NTM: variants seen among roughly 807,000 people sequenced by gnomAD.
NTM encodes IgLON family member 2.
NTM carries 13 observed loss-of-function variants against 42.1 expected under a neutral mutation model. The ratio of observed to expected loss-of-function variants is 0.31; its 90% CI spans 0.20 to 0.49. The LOEUF (loss-of-function observed/expected upper bound fraction) is 0.49, where lower values mean the gene tolerates loss of function less well. NTM is among the 20% of genes least tolerant of loss of function. The pLI, the probability that NTM is intolerant of heterozygous loss-of-function variation, is 0.99. For synonymous variants in NTM, 187 were observed against 179.2 expected, an observed-to-expected ratio of 1.04 and a Z score of -0.35; for missense variants, 373 against 452.8, an observed-to-expected ratio of 0.82 and a Z score of 1.60.
At chr11:131,546,471 A>G (rs1161069855) in intron 1 of NTM, among the ~76,000 whole-genome samples, 1 of 152,122 alleles carries the variant, frequency 6.6e-6, no homozygotes, top group East Asian at 1.9e-4. Flanking sequence ...TTCTGCAAAA[A>G]CTGAAAAATT....
At chr11:131,834,323 T>C (rs1224456722) in intron 1 of NTM, among the ~76,000 whole-genome samples, 1 of 152,162 alleles carries the variant, frequency 6.6e-6, no homozygotes, top group Non-Finnish European at 1.5e-5. Flanking sequence ...TGGGCTTAAC[T>C]ATGACCTATC....
At chr11:132,276,834 T>C (rs150178258) in intron 4 of NTM, among the ~76,000 whole-genome samples, 185 of 152,292 alleles carry the variant, frequency 1.2e-3, no homozygotes, top group Non-Finnish European at 2.0e-3. Context: ...CAGTAAGTCT[T>C]ACTCTACCAT....
intron 1 of NTM, among the ~76,000 whole-genome samples, chr11:131,889,057 G>C (rs1374042030): frequency 6.6e-6 from 1 of 152,082 alleles, no homozygotes; most frequent in Admixed American, 6.6e-5. Context: ...CTTCCAAAGG[G>C]AGCGTCCGGA....
At chr11:131,932,655 G>A (rs2058753641) in intron 2 of NTM, among the ~76,000 whole-genome samples, 3 of 152,210 alleles carry the variant, frequency 2.0e-5, no homozygotes. Flanking sequence ...AGGAATAGGA[G>A]ATGATGCTGA....
chr11:132,091,942 A>G (rs761890393), intron 2 of NTM, among the ~76,000 whole-genome samples: 4 of 152,254 alleles, frequency 2.6e-5, no homozygotes, highest in Admixed American at 6.5e-5. Flanking sequence ...TGAAGAAAAC[A>G]TAAGTATACC....
chr11:132,158,048 T>C lies in NTM; in HGVS notation c.400+11534T>C, dbSNP rs2073567340. 2.0e-5 allele frequency among the ~76,000 whole-genome samples: 3 copies of C among 152,212 alleles called. No individual in the cohort carries two copies. In the South Asian group the frequency reaches 6.2e-4, roughly 32 times the overall value. ...TTTTGTTCTTATTCCCTATCGTCTGTTCTCCATGCTCAGCGAAAGCATTTC... is the reference window on the plus strand; with the variant it reads ...TTTTGTTCTTATTCCCTATCGTCTGCTCTCCATGCTCAGCGAAAGCATTTC... On this transcript the variant is annotated intron_variant, in intron 3 of 8. Coordinates refer to ENST00000683400, the MANE Select transcript of NTM (RefSeq NM_001352005.2).
intron 2 of NTM, among the ~76,000 whole-genome samples, chr11:131,948,627 C>G (rs901745179): frequency 4.6e-5 from 7 of 152,268 alleles, no homozygotes; most frequent in Middle Eastern, 3.4e-3. Flanking sequence ...TTTGTACTTG[C>G]TGTTCTCTCT....
At chr11:132,099,688 G>A (rs1289155939) in intron 2 of NTM, among the ~76,000 whole-genome samples, 1 of 152,138 alleles carries the variant, frequency 6.6e-6, no homozygotes, top group East Asian at 1.9e-4. Flanking sequence ...AGAAAAGCAA[G>A]TCTTAACTTA....
chr11:131,388,462 G>A (rs190986274), intron 1 of NTM, among the ~76,000 whole-genome samples: 1 of 148,864 alleles, frequency 6.7e-6, no homozygotes, highest in Non-Finnish European at 1.5e-5. Context: ...ATTTAATTGG[G>A]CATCTTTTTC....
intron 2 of NTM, among the ~76,000 whole-genome samples, chr11:132,037,275 T>C (rs554892228): frequency 3.9e-5 from 6 of 152,042 alleles, no homozygotes; most frequent in African/African-American, 1.4e-4. Flanking sequence ...TCTTGCTTCC[T>C]CTCTCCCCTG....
chr11:131,929,608 C>T (rs1199820038), intron 2 of NTM, among the ~76,000 whole-genome samples: 1 of 152,130 alleles, frequency 6.6e-6, no homozygotes, highest in Admixed American at 6.5e-5. Flanking sequence ...CCACAATTCC[C>T]TGTGCCACGT....
At chr11:131,462,787 T>G (rs540109509) in intron 1 of NTM, among the ~76,000 whole-genome samples, 1 of 151,754 alleles carries the variant, frequency 6.6e-6, no homozygotes, top group Non-Finnish European at 1.5e-5. Flanking sequence ...CCACCTAGGG[T>G]GGTCCACCAC....
chr11:132,162,893 A>C (rs1448870037), intron 3 of NTM, among the ~76,000 whole-genome samples: 1 of 151,990 alleles, frequency 6.6e-6, no homozygotes, highest in African/African-American at 2.4e-5. Flanking sequence ...TCTATGAGTG[A>C]TAGGCGTGAT....
At chr11:132,178,526 A>T (rs1461341726) in intron 3 of NTM, among the ~76,000 whole-genome samples, 1 of 152,152 alleles carries the variant, frequency 6.6e-6, no homozygotes, top group Non-Finnish European at 1.5e-5. Flanking sequence ...TCATTATAAG[A>T]TTCCTCAAAT....
chr11:132,035,397 C>T (rs80082331), intron 2 of NTM, among the ~76,000 whole-genome samples: 3,058 of 152,272 alleles, frequency 0.02, 44 homozygotes, highest in South Asian at 0.055. Context: ...TCTCTAACAC[C>T]GAGCAGAATG....
chr11:131,503,947 C>T (rs2047160465), intron 1 of NTM, among the ~76,000 whole-genome samples: 2 of 152,208 alleles, frequency 1.3e-5, no homozygotes. Context: ...CACTGACTAC[C>T]TTTGTTAGGG....
intron 1 of NTM, among the ~76,000 whole-genome samples, chr11:131,707,220 G>C (rs2076679917): frequency 6.6e-6 from 1 of 151,946 alleles, no homozygotes. Context: ...AACTTTTTAA[G>C]ATTCCACATG....
intron 6 of NTM, chr11:132,312,325 G>A (rs2095304664): frequency 6.6e-6 from 1 of 152,236 alleles, no homozygotes. Flanking sequence ...AGTTAGTTAG[G>A]TGAGAAGTCT....
Position 132,250,666 on chromosome 11 carries a change from C to G in NTM, c.526+38519C>G, listed in dbSNP as rs114142282. On this transcript the variant is annotated intron_variant, in intron 4 of 8. Coordinates refer to ENST00000683400, the MANE Select transcript of NTM (RefSeq NM_001352005.2). Reference sequence around the variant, plus strand: ...TTTAGCTGTGTCTCATATTCTTTTACACCTTTACACCAGTATTTTTAATTT... The same window carrying G: ...TTTAGCTGTGTCTCATATTCTTTTAGACCTTTACACCAGTATTTTTAATTT... 9.4e-3 allele frequency among the ~76,000 whole-genome samples: 1,435 copies of G among 152,008 alleles called. 17 individuals are homozygous for G. The highest frequency in any genetic ancestry group is 0.033 in the African/African-American group (1,359 of 41,452).
Sources: gnomAD v4.1 joint callset for allele counts (sites outside exome capture counted in the v4.1 genomes callset) on GRCh38, gnomAD v4.1.1 for gene constraint, MANE v1.5 for transcripts, NCBI Gene and HGNC (gene_info 2026-07-23, HGNC 2026-07-21) for gene names.